Variants in SOX5 observed in about 807,000 individuals in gnomAD.
SOX5 encodes transcription factor SOX-5.
SOX5 carries 9 observed loss-of-function variants against 92.0 expected under a neutral mutation model. The observed-to-expected ratio is 0.10, with a 90% confidence interval of 0.06 to 0.17. The LOEUF (loss-of-function observed/expected upper bound fraction) is 0.17, where lower values mean the gene tolerates loss of function less well. SOX5 is among the 10% of genes least tolerant of loss of function. SOX5 has a pLI of 1.00. For synonymous variants in SOX5, 344 were observed against 336.3 expected (o/e 1.02, Z -0.25); for missense variants, 642 against 944.5 (o/e 0.68, Z 4.20).
intron 2 of SOX5, among the ~76,000 whole-genome samples, chr12:24,305,892 C>T (rs1948509959): frequency 1.3e-5 from 2 of 152,186 alleles, no homozygotes; most frequent in African/African-American, 4.8e-5. Flanking sequence ...CCACCGCGCC[C>T]AGCCGATGAA....
At chr12:24,342,136 A>C (rs1260501649) in intron 2 of SOX5, among the ~76,000 whole-genome samples, 1 of 152,190 alleles carries the variant, frequency 6.6e-6, no homozygotes, top group Non-Finnish European at 1.5e-5. Context: ...ACTTGTAGGA[A>C]ATCTCAAGTC....
In SOX5 at chr12:24,325,794, T is replaced by C. The variant is rs1484027267; in HGVS notation, c.-174+42769A>G. On this transcript the variant is annotated intron_variant, in intron 2 of 4. Transcript: ENST00000446891. ...ATGAGATGGATAACCATTTCCCAAC[T>C]GGGGGCAATAAAGATTCTTGCACAG... Among the ~76,000 whole-genome samples, 3 of 152,258 alleles carry C rather than the reference T, an allele frequency of 2.0e-5. No homozygotes were observed. In the East Asian group the frequency reaches 5.8e-4, roughly 29 times the overall value.
Position 23,750,907 on chromosome 12 carries a change from G to A in SOX5, c.568+4731C>T, listed in dbSNP as rs1317991199. Among the ~76,000 whole-genome samples, 7 of 151,908 alleles carry A rather than the reference G, an allele frequency of 4.6e-5. No homozygotes were observed. In the East Asian group the frequency reaches 5.8e-4, roughly 13 times the overall value. On this transcript the variant is annotated intron_variant, in intron 4 of 14. Coordinates refer to ENST00000451604, the MANE Select transcript of SOX5 (RefSeq NM_006940.6). ...ATTTACACACTGGCATGAGGACACC[G>A]GCGTCATGAGACGGAGCAAATCACT...
At chr12:23,919,000 A>C (rs1343509313) in intron 1 of SOX5, among the ~76,000 whole-genome samples, 1 of 152,198 alleles carries the variant, frequency 6.6e-6, no homozygotes, top group Non-Finnish European at 1.5e-5. Flanking sequence ...GTATTTAAAA[A>C]ATCACACTAA....
At chr12:23,547,547 A>G (rs890936499) in intron 11 of SOX5, among the ~76,000 whole-genome samples, 1 of 152,090 alleles carries the variant, frequency 6.6e-6, no homozygotes, top group Non-Finnish European at 1.5e-5. Flanking sequence ...AACTAATGAG[A>G]TATTGAAATT....
chr12:23,977,256 T>C (rs1354612889), intron 4 of SOX5, among the ~76,000 whole-genome samples: 2 of 152,108 alleles, frequency 1.3e-5, no homozygotes, highest in African/African-American at 4.8e-5. Context: ...AAACATAATT[T>C]TGGAATTTGG....
At chr12:24,521,084 G>A (rs751600789) in intron 1 of SOX5, among the ~76,000 whole-genome samples, 6 of 151,738 alleles carry the variant, frequency 4.0e-5, no homozygotes, top group Non-Finnish European at 5.9e-5. Flanking sequence ...ACAAAGTCTC[G>A]CTCTTGTCCC....
At chr12:24,177,572 A>G (rs1789001282) in intron 4 of SOX5, among the ~76,000 whole-genome samples, 1 of 152,132 alleles carries the variant, frequency 6.6e-6, no homozygotes, top group South Asian at 2.1e-4. Flanking sequence ...TCATATTTAA[A>G]GGGTTGTTTT....
At chr12:23,839,855 C>T (rs781198536) in intron 3 of SOX5, among the ~76,000 whole-genome samples, 4 of 151,622 alleles carry the variant, frequency 2.6e-5, no homozygotes, top group Non-Finnish European at 4.4e-5. Context: ...TACAAAAATC[C>T]CGCAGCTAAC....
At chr12:23,875,272 T>C (rs116470253) in intron 2 of SOX5, among the ~76,000 whole-genome samples, 1,329 of 118,196 alleles carry the variant, frequency 0.011, 20 homozygotes, top group African/African-American at 0.039. Context: ...AGAGAAATTG[T>C]ATATTAAACT....
At chr12:24,313,127 T>G (rs1358863606) in intron 2 of SOX5, among the ~76,000 whole-genome samples, 1 of 152,110 alleles carries the variant, frequency 6.6e-6, no homozygotes, top group Non-Finnish European at 1.5e-5. Flanking sequence ...TACTTTGAAG[T>G]GTGTATTTGC....
intron 2 of SOX5, among the ~76,000 whole-genome samples, chr12:24,287,907 T>C (rs1409657835): frequency 6.6e-6 from 1 of 152,132 alleles, no homozygotes; most frequent in East Asian, 1.9e-4. Context: ...TCCTCTGTAC[T>C]GCCCTCCGTA....
chr12:23,892,829 A>G (rs138726908), intron 2 of SOX5, among the ~76,000 whole-genome samples: 58 of 152,328 alleles, frequency 3.8e-4, no homozygotes, highest in African/African-American at 1.2e-3. Flanking sequence ...TAAGAATCCA[A>G]TGGAAACCAT....
intron 1 of SOX5, among the ~76,000 whole-genome samples, chr12:24,492,454 A>T (rs1232434253): frequency 6.6e-6 from 1 of 152,214 alleles, no homozygotes; most frequent in East Asian, 1.9e-4. Flanking sequence ...TCAGTAAAAC[A>T]TGACTATTGC....
At chr12:24,515,847 T>C (rs1390701783) in intron 1 of SOX5, among the ~76,000 whole-genome samples, 1 of 152,226 alleles carries the variant, frequency 6.6e-6, no homozygotes, top group African/African-American at 2.4e-5. Context: ...CGAGTTGTTT[T>C]GTAAGCTGAA....
chr12:24,047,502 G>C (rs1259396185), intron 4 of SOX5, among the ~76,000 whole-genome samples: 1 of 152,176 alleles, frequency 6.6e-6, no homozygotes, highest in Non-Finnish European at 1.5e-5. Context: ...CACAGTTTAT[G>C]CTGAAGTCAG....
chr12:23,637,276 G>A (rs1374077540), intron 8 of SOX5, among the ~76,000 whole-genome samples: 1 of 152,058 alleles, frequency 6.6e-6, no homozygotes, highest in South Asian at 2.1e-4. Context: ...CTGCCTTATC[G>A]AGTATAGCTG....
At chr12:23,587,608 T>A (rs1374897715) in intron 9 of SOX5, among the ~76,000 whole-genome samples, 1 of 152,110 alleles carries the variant, frequency 6.6e-6, no homozygotes, top group Admixed American at 6.6e-5. Context: ...AAAATTTTTA[T>A]GACACTAAAT....
chr12:23,721,149 G>A (rs900272100), intron 6 of SOX5, among the ~76,000 whole-genome samples: 18 of 152,070 alleles, frequency 1.2e-4, no homozygotes, highest in East Asian at 5.8e-4. Context: ...GCAATGGCAC[G>A]ATCTTGGCTG....
Sources: gnomAD v4.1 joint callset for allele counts (sites outside exome capture counted in the v4.1 genomes callset) on GRCh38, gnomAD v4.1.1 for gene constraint, MANE v1.5 for transcripts, NCBI Gene and HGNC (gene_info 2026-07-23, HGNC 2026-07-21) for gene names.